Variants in MCM9 observed in about 807,000 individuals in gnomAD.
The protein encoded by MCM9 is DNA helicase MCM9.
MCM9 carries 55 observed loss-of-function variants against 72.8 expected under a neutral mutation model. The ratio of observed to expected loss-of-function variants is 0.76; its 90% CI spans 0.61 to 0.95. MCM9 has a LOEUF of 0.95. Ranked by LOEUF, MCM9 falls within the 40% of genes least tolerant of loss-of-function variation. MCM9 has a pLI of 0.00. For synonymous variants in MCM9, 480 were observed against 503.4 expected, an observed-to-expected ratio of 0.95 and a Z score of 0.62; for missense variants, 1,279 against 1,377.0, an observed-to-expected ratio of 0.93 and a Z score of 1.13.
chr6:118,881,806 T>G (rs1778305185), intron 8 of MCM9, among the ~76,000 whole-genome samples: 2 of 152,218 alleles, frequency 1.3e-5, no homozygotes, highest in African/African-American at 4.8e-5. Context: ...ATTTATTCAT[T>G]GAAATCTAAA....
Position 118,885,619 on chromosome 6 carries a change from G to A in MCM9, c.1150+26031C>T, listed in dbSNP as rs373979913. ...ATACCAACTACTGAAACTAACTCAA[G>A]GAGAAAAAACAACCTGAATAGACTA... On this transcript the variant is annotated intron_variant, in intron 8 of 13. Transcript: ENST00000619706. 2.4e-4 allele frequency among the ~76,000 whole-genome samples: 37 copies of A among 152,084 alleles called. No homozygotes were observed. In the East Asian group the frequency reaches 3.3e-3, roughly 14 times the overall value.
intron 9 of MCM9, among the ~76,000 whole-genome samples, chr6:118,834,995 T>C (rs1246498017): frequency 6.6e-6 from 1 of 152,232 alleles, no homozygotes; most frequent in Non-Finnish European, 1.5e-5. Flanking sequence ...AGGTCTTACG[T>C]TTAAGCCTTT....
At chr6:118,931,016 C>T (rs1245603929) in intron 3 of MCM9, among the ~76,000 whole-genome samples, 1 of 152,214 alleles carries the variant, frequency 6.6e-6, no homozygotes, top group East Asian at 1.9e-4. Context: ...AATGCTAATA[C>T]TGATCTTTAA....
rs75803991 is a variant in MCM9 at position 118,923,200 on chromosome 6, C to G, written c.621+611G>C. Among the ~76,000 whole-genome samples the G allele has an allele frequency of 6.5e-3, 991 of 152,072 alleles. 6 individuals are homozygous for G. The highest frequency in any genetic ancestry group is 0.022 in the African/African-American group (922 of 41,504). On this transcript the variant is annotated intron_variant, in intron 4 of 13. Coordinates refer to ENST00000619706, the MANE Select transcript of MCM9 (RefSeq NM_017696.3). ...CAAATGAAAATCAGGCTCACTCTTA[C>G]TTGTTAAAGAGTGTTTACAAATACT...
intron 4 of MCM9, among the ~76,000 whole-genome samples, chr6:118,922,892 C>T (rs142212708): frequency 4.5e-4 from 69 of 151,900 alleles, no homozygotes; most frequent in Middle Eastern, 3.4e-3. Context: ...ATTAGCCAGG[C>T]GAGGTGGCAC....
chr6:118,914,716 G>C (rs1414268628), intron 6 of MCM9, among the ~76,000 whole-genome samples: 1 of 152,110 alleles, frequency 6.6e-6, no homozygotes, highest in Admixed American at 6.6e-5. Flanking sequence ...CCAACAAACA[G>C]GTTCAAGAGT....
chr6:118,934,224 T>C (rs928287448), intron 1 of MCM9, among the ~76,000 whole-genome samples: 2 of 152,230 alleles, frequency 1.3e-5, no homozygotes, highest in African/African-American at 4.8e-5. Context: ...AACTGACTAA[T>C]CAACTGTGTT....
intron 8 of MCM9, chr6:118,907,918 G>C: frequency 4.6e-6 from 1 of 215,520 alleles, no homozygotes; most frequent in Non-Finnish European, 9.3e-6. Context: ...GGAATCATTA[G>C]ACCAGGTTGT....
chr6:118,929,098 T>C (rs1012218918), intron 3 of MCM9, among the ~76,000 whole-genome samples: 14 of 152,110 alleles, frequency 9.2e-5, no homozygotes, highest in African/African-American at 3.1e-4. Context: ...CACATGCCTG[T>C]AATCCCAGCT....
intron 8 of MCM9, among the ~76,000 whole-genome samples, chr6:118,899,325 A>T (rs540147882): frequency 2.6e-5 from 4 of 152,308 alleles, no homozygotes; most frequent in East Asian, 3.9e-4. Context: ...TCAAAACCGC[A>T]TGATCTGGCT....
At chr6:118,914,591 G>C (rs1780793697) in intron 6 of MCM9, among the ~76,000 whole-genome samples, 1 of 152,118 alleles carries the variant, frequency 6.6e-6, no homozygotes, top group South Asian at 2.1e-4. Flanking sequence ...TCCCTGTTTG[G>C]AGTTAGAAAG....
intron 9 of MCM9, among the ~76,000 whole-genome samples, chr6:118,849,717 T>C (rs1776104314): frequency 6.6e-6 from 1 of 151,780 alleles, no homozygotes; most frequent in African/African-American, 2.4e-5. Flanking sequence ...AACTGCAGAA[T>C]TTCTAAAACA....
At chr6:118,841,944 C>T (rs1410105415) in intron 9 of MCM9, among the ~76,000 whole-genome samples, 2 of 151,888 alleles carry the variant, frequency 1.3e-5, no homozygotes, top group Admixed American at 6.6e-5. Context: ...AAGCGATTCT[C>T]CTGCCTCAGC....
At chr6:118,924,460 T>C (rs1019003463) in intron 3 of MCM9, among the ~76,000 whole-genome samples, 5 of 152,178 alleles carry the variant, frequency 3.3e-5, no homozygotes, top group African/African-American at 1.2e-4. Context: ...CTAAAGTATA[T>C]AATTTTAACG....
intron 8 of MCM9, among the ~76,000 whole-genome samples, chr6:118,901,709 A>T (rs1275250786): frequency 6.6e-6 from 1 of 152,272 alleles, no homozygotes; most frequent in Non-Finnish European, 1.5e-5. Context: ...TAGACCAAAG[A>T]GTAACTAGCC....
At chr6:118,832,333 G>T (rs1774617494) in intron 9 of MCM9, among the ~76,000 whole-genome samples, 1 of 152,124 alleles carries the variant, frequency 6.6e-6, no homozygotes, top group Admixed American at 6.5e-5. Context: ...AAAGGGCTGG[G>T]ATTACAAGTG....
chr6:118,933,960 T>G (rs982994911), intron 1 of MCM9, among the ~76,000 whole-genome samples: 1 of 31,060 alleles, frequency 3.2e-5, no homozygotes, highest in Admixed American at 4.5e-4. Context: ...ATGTGGACTT[T>G]GCCCAAAAAA....
At chr6:118,893,357 C>T (rs1237192999) in intron 8 of MCM9, among the ~76,000 whole-genome samples, 1 of 152,142 alleles carries the variant, frequency 6.6e-6, no homozygotes, top group Non-Finnish European at 1.5e-5. Context: ...CTGTTGGTCT[C>T]CTAACACTTC....
intron 9 of MCM9, among the ~76,000 whole-genome samples, chr6:118,842,430 A>G (rs1775437931): frequency 6.6e-6 from 1 of 152,196 alleles, no homozygotes; most frequent in Non-Finnish European, 1.5e-5. Context: ...TATTCAAATG[A>G]CTACACACTG....
Sources: allele counts gnomAD v4.1 joint callset (sites outside exome capture counted in the v4.1 genomes callset), GRCh38; gene constraint gnomAD v4.1.1; transcripts MANE v1.5; gene names NCBI Gene and HGNC (gene_info 2026-07-23, HGNC 2026-07-21).